FABP6: variants seen among roughly 807,000 people sequenced by gnomAD.
FABP6 encodes the protein fatty acid binding protein 6.
A neutral mutation model predicts 14.9 loss-of-function variants in FABP6; 13 were observed. The observed-to-expected ratio is 0.87, with a 90% CI of 0.57 to 1.39. The LOEUF (loss-of-function observed/expected upper bound fraction) is 1.39. FABP6 is among the 40% of genes most tolerant of loss of function. The pLI is 0.00. For synonymous variants in FABP6, 75 were observed against 63.6 expected (o/e 1.18, Z -0.85); for missense variants, 161 against 167.2 (o/e 0.96, Z 0.20).
At chr5:160,230,489 T>C (rs1760354668) in intron 1 of FABP6, among the ~76,000 whole-genome samples, 1 of 152,092 alleles carries the variant, frequency 6.6e-6, no homozygotes, top group Admixed American at 6.6e-5. Flanking sequence ...GCCTCTCAAG[T>C]AGCTGGAACT....
In FABP6 at chr5:160,232,267, G is replaced by A; in HGVS notation, c.237G>A (p.Thr79=). 2 of 1,603,024 alleles carry A rather than the reference G, an allele frequency of 1.2e-6. No individual in the cohort carries two copies. The highest frequency in any genetic ancestry group is 8.5e-7 in the Non-Finnish European group (1 of 1,174,478). Residue 79 remains threonine, a synonymous_variant, in exon 2 of 4, where the codon ACG becomes ACA. Coordinates refer to ENST00000402432, the MANE Select transcript of FABP6 (RefSeq NM_001445.3). ...ESNIQTMGGK[T]FKATVQMEGG... ...ACATACAGACAATGGGGGGCAAGAC[G>A]TTCAAGGTGAGAGGCCACTGGCTGT...
intron 2 of FABP6, among the ~76,000 whole-genome samples, chr5:160,206,016 C>T (rs150379533): frequency 9.2e-5 from 14 of 152,012 alleles, no homozygotes; most frequent in Non-Finnish European, 1.3e-4. Context: ...GGCAGCAAAC[C>T]GATACCCTCC....
chr5:160,202,798 CAA>C (rs201563241), intron 2 of FABP6, among the ~76,000 whole-genome samples: 4,054 of 127,784 alleles, frequency 0.032, 190 homozygotes, highest in African/African-American at 0.11. Flanking sequence ...AACTCCATCT[CAA>C]AAAAAAAAAA....
chr5:160,207,931 C>T (rs1455618707), intron 2 of FABP6, among the ~76,000 whole-genome samples: 1 of 152,014 alleles, frequency 6.6e-6, no homozygotes, highest in Non-Finnish European at 1.5e-5. Context: ...ACCATGTTGG[C>T]CAGGCTGGTC....
At chr5:160,212,219 A>G (rs1040665365) in intron 2 of FABP6, among the ~76,000 whole-genome samples, 14 of 151,892 alleles carry the variant, frequency 9.2e-5, no homozygotes, top group Admixed American at 3.9e-4. Flanking sequence ...CAGTGTCACA[A>G]TCTCGGCTCA....
At chr5:160,222,242 G>C (rs907741780) in intron 3 of FABP6, among the ~76,000 whole-genome samples, 1 of 151,826 alleles carries the variant, frequency 6.6e-6, no homozygotes, top group Non-Finnish European at 1.5e-5. Context: ...ATAGGCACAT[G>C]CCACTACACC....
intron 3 of FABP6, among the ~76,000 whole-genome samples, chr5:160,224,336 T>C (rs575924739): frequency 4.3e-4 from 65 of 152,176 alleles, no homozygotes; most frequent in Non-Finnish European, 3.2e-4. Flanking sequence ...AGGTGGAGGA[T>C]TGATTGAGCC....
At chr5:160,223,875 G>C (rs1286970129) in intron 3 of FABP6, among the ~76,000 whole-genome samples, 2 of 150,432 alleles carry the variant, frequency 1.3e-5, no homozygotes, top group African/African-American at 4.9e-5. Flanking sequence ...CAAGGTGGGA[G>C]GATCGCATGA....
At chr5:160,209,705 TG>T (rs1205152224) in intron 2 of FABP6, among the ~76,000 whole-genome samples, 3 of 116,112 alleles carry the variant, frequency 2.6e-5, no homozygotes, top group African/African-American at 6.7e-5. Flanking sequence ...TCGTCTTTTT[TG>T]TCTTTTTTTC....
intron 3 of FABP6, among the ~76,000 whole-genome samples, chr5:160,222,451 A>G (rs1474342011): frequency 1.3e-5 from 2 of 151,964 alleles, no homozygotes; most frequent in Non-Finnish European, 2.9e-5. Context: ...CACCTGCCTC[A>G]GCCTCCCAAG....
upstream of FABP6, chr5:160,229,485 T>C: frequency 6.2e-7 from 1 of 1,609,082 alleles, no homozygotes; most frequent in South Asian, 1.1e-5. Flanking sequence ...GTTTATAAGC[T>C]GGGATAGCAG....
At chr5:160,206,531 CAGAT>C (rs1408609366) in intron 2 of FABP6, among the ~76,000 whole-genome samples, 1 of 152,186 alleles carries the variant, frequency 6.6e-6, no homozygotes, top group Non-Finnish European at 1.5e-5. Context: ...CCTAGGTACA[CAGAT>C]AGAAGGACAC....
chr5:160,190,452 G>A (rs7713534), intron 1 of FABP6, among the ~76,000 whole-genome samples: 51,542 of 151,992 alleles, frequency 0.34, 9,432 homozygotes, highest in Non-Finnish European at 0.4. Flanking sequence ...GGCTGGTCTC[G>A]AACTCCCGAC....
chr5:160,234,801 T>G lies in FABP6; in HGVS notation c.244-19T>G. The G allele has an allele frequency of 6.3e-7, 1 of 1,588,090 alleles. No individual in the cohort carries two copies. Among genetic ancestry groups the G allele is most frequent in the Non-Finnish European group, 8.6e-7 (1 of 1,164,932 alleles). ...ATCACCTGCAACAACCCAGGCTTAA[T>G]GTTGTGCTTCCATTCCAGGCCACTG... On this transcript the variant is annotated intron_variant, in intron 2 of 3. Transcript: ENST00000402432.
chr5:160,223,380 TCCCTCTC>T (rs1760172842), intron 3 of FABP6, among the ~76,000 whole-genome samples: 2 of 46,820 alleles, frequency 4.3e-5, no homozygotes, highest in African/African-American at 1.2e-4. Flanking sequence ...CCTCCCTCCC[TCCCTCTC>T]TCCTTCCTTC....
At chr5:160,225,924 C>T (rs144926870), upstream of FABP6, among the ~76,000 whole-genome samples, 400 of 151,924 alleles carry the variant, frequency 2.6e-3, 2 homozygotes, top group African/African-American at 8.8e-3. Flanking sequence ...CTGTAATACC[C>T]GCATTTTGGG....
intron 3 of FABP6, among the ~76,000 whole-genome samples, chr5:160,218,746 C>T (rs1454919560): frequency 1.3e-5 from 2 of 151,424 alleles, no homozygotes; most frequent in African/African-American, 4.9e-5. Context: ...CGGGCATGAG[C>T]CACTGCGCCT....
At chr5:160,233,830 C>G (rs1441128473) in intron 2 of FABP6, among the ~76,000 whole-genome samples, 1 of 151,766 alleles carries the variant, frequency 6.6e-6, no homozygotes, top group Non-Finnish European at 1.5e-5. Context: ...CGAGATCACA[C>G]CATTGCACTC....
At chr5:160,199,342 A>G (rs1759580780) in intron 2 of FABP6, among the ~76,000 whole-genome samples, 1 of 152,166 alleles carries the variant, frequency 6.6e-6, no homozygotes, top group South Asian at 2.1e-4. Context: ...TCTTTGTGAC[A>G]GTCTCATTGT....
Sources: gnomAD v4.1 joint callset for allele counts (sites outside exome capture counted in the v4.1 genomes callset) on GRCh38, gnomAD v4.1.1 for gene constraint, MANE v1.5 for transcripts, NCBI Gene and HGNC (gene_info 2026-07-23, HGNC 2026-07-21) for gene names.